Variants in ASTN2 observed in about 807,000 individuals in gnomAD.
ASTN2 encodes astrotactin 2.
ASTN2 carries 54 observed loss-of-function variants against 139.8 expected under a neutral mutation model. That is an observed-to-expected ratio of 0.39 (90% CI 0.31 to 0.48). The LOEUF is 0.48. ASTN2 is among the 20% of genes least tolerant of loss of function. ASTN2 has a pLI of 0.95. For missense variants in ASTN2, 1,565 were observed against 1,725.1 expected, an observed-to-expected ratio of 0.91 and a Z score of 1.64; for synonymous variants, 756 against 719.5, an observed-to-expected ratio of 1.05 and a Z score of -0.81.
chr9:117,176,974 T>C (rs947027469), intron 3 of ASTN2, among the ~76,000 whole-genome samples: 1 of 152,198 alleles, frequency 6.6e-6, no homozygotes, highest in Non-Finnish European at 1.5e-5. Context: ...TCCTAGAGTT[T>C]CTGTTTCAAA....
chr9:116,758,381 G>A (rs72765727), intron 13 of ASTN2, among the ~76,000 whole-genome samples: 8,922 of 152,166 alleles, frequency 0.059, 355 homozygotes, highest in Non-Finnish European at 0.092. Context: ...AGAGTGCCAG[G>A]GCTCACAGGA....
At chr9:116,919,382 C>A (rs1364420568) in intron 10 of ASTN2, among the ~76,000 whole-genome samples, 1 of 152,146 alleles carries the variant, frequency 6.6e-6, no homozygotes, top group Non-Finnish European at 1.5e-5. Flanking sequence ...AGAAATGGAA[C>A]CTCAAAGATC....
intron 19 of ASTN2, among the ~76,000 whole-genome samples, chr9:116,499,296 T>C (rs1483331264): frequency 6.6e-6 from 1 of 151,860 alleles, no homozygotes; most frequent in Non-Finnish European, 1.5e-5. Flanking sequence ...ACAGTAGCTA[T>C]TCATTAAAGG....
At chr9:116,603,959 C>T (rs1255907250) in intron 19 of ASTN2, among the ~76,000 whole-genome samples, 1 of 152,156 alleles carries the variant, frequency 6.6e-6, no homozygotes, top group Admixed American at 6.5e-5. Context: ...GACTCTCAAA[C>T]AATTTCCCAC....
At chr9:116,588,494 GTCTTAA>G (rs1347538061) in intron 19 of ASTN2, among the ~76,000 whole-genome samples, 5 of 152,188 alleles carry the variant, frequency 3.3e-5, no homozygotes, top group Non-Finnish European at 5.9e-5. Flanking sequence ...AGAACCTGAA[GTCTTAA>G]TGGGTCCTGG....
At chr9:117,197,857 A>AT (rs1035603018) in intron 3 of ASTN2, among the ~76,000 whole-genome samples, 19 of 152,002 alleles carry the variant, frequency 1.2e-4, no homozygotes, top group African/African-American at 4.1e-4. Context: ...TAGATTGGTA[A>AT]TTTTTTTCCT....
Position 117,291,428 on chromosome 9 carries a change from G to A in ASTN2, c.528C>T (p.Ser176=). 2 of 1,614,214 alleles carry A rather than the reference G, an allele frequency of 1.2e-6. No individual in the cohort carries two copies. Among genetic ancestry groups the A allele is most frequent in the Non-Finnish European group, 1.7e-6 (2 of 1,180,024 alleles). ...GGGCCAGCTGCCCGGAGCTGCTCAT[G>A]GAGACGTGGAAGTACAAGGTGCCAT... ...LENGTLYFHV[S]MSSSGQLAQA... is the part of the protein sequence containing the mutation. The change falls in exon 2 of 23, where the codon TCC becomes TCT. Residue 176 remains serine (S), a synonymous_variant. Coordinates refer to ENST00000313400, the MANE Select transcript of ASTN2 (RefSeq NM_001365068.1).
intron 5 of ASTN2, among the ~76,000 whole-genome samples, chr9:117,040,466 C>CT (rs1271538989): frequency 6.6e-6 from 1 of 152,016 alleles, no homozygotes; most frequent in South Asian, 2.1e-4. Flanking sequence ...CTTTCTTTTT[C>CT]TTTTTTGTTT....
intron 10 of ASTN2, among the ~76,000 whole-genome samples, chr9:116,962,267 G>A (rs1835895770): frequency 6.6e-6 from 1 of 152,214 alleles, no homozygotes; most frequent in African/African-American, 2.4e-5. Flanking sequence ...CCTCCCCAGT[G>A]AGGACCCTAT....
intron 5 of ASTN2, among the ~76,000 whole-genome samples, chr9:117,052,824 G>A (rs985222571): frequency 1.3e-5 from 2 of 152,208 alleles, no homozygotes; most frequent in Non-Finnish European, 2.9e-5. Flanking sequence ...AAGGTCATAC[G>A]CCTAGTAAGC....
intron 16 of ASTN2, chr9:116,687,354 T>A: frequency 1.4e-6 from 1 of 738,146 alleles, no homozygotes; most frequent in Non-Finnish European, 1.6e-6. Context: ...CTGCCGGCGG[T>A]GGACTCGTCG....
intron 1 of ASTN2, among the ~76,000 whole-genome samples, chr9:117,386,540 G>C (rs1830404938): frequency 6.6e-6 from 1 of 152,196 alleles, no homozygotes; most frequent in Non-Finnish European, 1.5e-5. Flanking sequence ...CAGGGACCAG[G>C]ATGGACCACG....
At chr9:117,013,968 C>T (rs1837605038) in intron 6 of ASTN2, among the ~76,000 whole-genome samples, 2 of 152,120 alleles carry the variant, frequency 1.3e-5, no homozygotes, top group Non-Finnish European at 2.9e-5. Flanking sequence ...AGATGTGTGG[C>T]TAAAAGATGG....
At chr9:116,576,097 C>T (rs1695698242) in intron 19 of ASTN2, among the ~76,000 whole-genome samples, 1 of 152,118 alleles carries the variant, frequency 6.6e-6, no homozygotes, top group African/African-American at 2.4e-5. Flanking sequence ...TGCCATTTGG[C>T]CTCACTTTGA....
chr9:116,457,880 T>C (rs1848379380), intron 20 of ASTN2, among the ~76,000 whole-genome samples: 1 of 152,060 alleles, frequency 6.6e-6, no homozygotes, highest in Admixed American at 6.6e-5. Context: ...AATCAGTATA[T>C]TGAAGAGACA....
chr9:117,401,873 G>A lies in ASTN2; in HGVS notation c.442+12624C>T, dbSNP rs948856677. Among the ~76,000 whole-genome samples the A allele has an allele frequency of 5.3e-5, 8 of 152,198 alleles. No homozygotes were observed. In the South Asian group the frequency reaches 1.5e-3, roughly 28 times the overall value. Reference sequence around the variant, plus strand: ...TTTTAAAAAGTTAATAGTCTTATGAGCTGAACAAACAAACAAACAAACAAG... The same window carrying A: ...TTTTAAAAAGTTAATAGTCTTATGAACTGAACAAACAAACAAACAAACAAG... On this transcript the variant is annotated intron_variant, in intron 1 of 22. Coordinates refer to ENST00000313400, the MANE Select transcript of ASTN2 (RefSeq NM_001365068.1).
Position 117,245,453 on chromosome 9 carries a change from G to A in ASTN2, c.631-30711C>T, listed in dbSNP as rs571804046. On this transcript the variant is annotated intron_variant, in intron 2 of 22. Transcript: ENST00000313400. ...AGGGACAGGGCTCAGGGCTGCTGGA[G>A]TCTCAGCAGACAGAGCCTACTCCAT... Among the ~76,000 whole-genome samples the A allele has an allele frequency of 3.3e-5, 5 of 152,310 alleles. No individual in the cohort carries two copies. The East Asian group carries it at 9.7e-4, about 29-fold the overall frequency.
At chr9:116,577,751 C>T (rs1253226078) in intron 19 of ASTN2, among the ~76,000 whole-genome samples, 1 of 152,016 alleles carries the variant, frequency 6.6e-6, no homozygotes. Flanking sequence ...GATTGATGGT[C>T]CCTATTTTAC....
intron 14 of ASTN2, among the ~76,000 whole-genome samples, chr9:116,730,704 G>A (rs1207309742): frequency 6.6e-6 from 1 of 152,206 alleles, no homozygotes; most frequent in African/African-American, 2.4e-5. Context: ...GGCAGCCAAG[G>A]CCTATCTCCA....
Sources: gnomAD v4.1 joint callset for allele counts (sites outside exome capture counted in the v4.1 genomes callset) on GRCh38, gnomAD v4.1.1 for gene constraint, MANE v1.5 for transcripts, NCBI Gene and HGNC (gene_info 2026-07-23, HGNC 2026-07-21) for gene names.